INPP4B: variants seen among roughly 807,000 people sequenced by gnomAD.
The protein encoded by INPP4B is inositol polyphosphate-4-phosphatase type II B.
In INPP4B, 55 loss-of-function variants were observed where a neutral mutation model predicts 122.5. The observed-to-expected ratio is 0.45, with a 90% CI of 0.36 to 0.56. The LOEUF (loss-of-function observed/expected upper bound fraction) is 0.56. Among genes scored for constraint, INPP4B ranks in the 20% least tolerant of loss-of-function variants. The probability of loss-of-function intolerance (pLI) is 0.00; values close to 1 mark genes in which losing one functional copy is unlikely to be tolerated. For missense variants in INPP4B, 1,000 were observed against 1,097.7 expected (o/e 0.91, Z 1.26); for synonymous variants, 403 against 388.7 (o/e 1.04, Z -0.43).
chr4:142,623,654 G>A (rs866728678), intron 2 of INPP4B, among the ~76,000 whole-genome samples: 11 of 151,750 alleles, frequency 7.2e-5, no homozygotes, highest in East Asian at 3.9e-4. Context: ...TGCCATGCTC[G>A]TGTGCTGCAC....
intron 2 of INPP4B, among the ~76,000 whole-genome samples, chr4:142,545,274 A>C (rs998687279): frequency 6.6e-6 from 1 of 152,176 alleles, no homozygotes; most frequent in Non-Finnish European, 1.5e-5. Context: ...CTATGCATTT[A>C]TTTTGTGCCA....
At chr4:142,816,464 G>A (rs183504241) in intron 1 of INPP4B, among the ~76,000 whole-genome samples, 1 of 152,028 alleles carries the variant, frequency 6.6e-6, no homozygotes, top group Admixed American at 6.6e-5. Context: ...GAAGTTAAGA[G>A]TTAGTAACGA....
At chr4:142,694,023 A>G (rs1023498503) in intron 2 of INPP4B, among the ~76,000 whole-genome samples, 88 of 152,222 alleles carry the variant, frequency 5.8e-4, no homozygotes, top group African/African-American at 2.0e-3. Flanking sequence ...GCTCTAATTT[A>G]TTGGTTTAAA....
intron 1 of INPP4B, among the ~76,000 whole-genome samples, chr4:142,819,810 G>A (rs1387186853): frequency 6.6e-6 from 1 of 151,956 alleles, no homozygotes; most frequent in Non-Finnish European, 1.5e-5. Flanking sequence ...GGTTCATAGG[G>A]CTCATAGCCA....
At chr4:142,227,533 G>T (rs148969095) in intron 12 of INPP4B, among the ~76,000 whole-genome samples, 1 of 152,038 alleles carries the variant, frequency 6.6e-6, no homozygotes, top group Admixed American at 6.6e-5. Context: ...CTCAGATATA[G>T]AATGCAATAT....
chr4:142,630,623 AG>A (rs200522068), intron 2 of INPP4B, among the ~76,000 whole-genome samples: 2 of 83,852 alleles, frequency 2.4e-5, no homozygotes, highest in South Asian at 3.9e-4. Context: ...AGAGCAAACA[AG>A]AAAGTGAATA....
intron 14 of INPP4B, among the ~76,000 whole-genome samples, chr4:142,203,021 A>C (rs1251625625): frequency 1.3e-5 from 2 of 152,134 alleles, no homozygotes; most frequent in African/African-American, 4.8e-5. Context: ...TAAATTCAGA[A>C]GGAGAGATTG....
intron 11 of INPP4B, among the ~76,000 whole-genome samples, chr4:142,246,148 A>G (rs1728713025): frequency 6.9e-6 from 1 of 145,468 alleles, no homozygotes; most frequent in Non-Finnish European, 1.5e-5. Flanking sequence ...ATATATATAC[A>G]TATATGTGTT....
chr4:142,482,896 C>T (rs1820735880), intron 2 of INPP4B, among the ~76,000 whole-genome samples: 1 of 152,012 alleles, frequency 6.6e-6, no homozygotes, highest in Admixed American at 6.6e-5. Context: ...AGATCATGTG[C>T]ATTTTAAAAT....
At chr4:142,719,724 T>C (rs968053751) in intron 2 of INPP4B, among the ~76,000 whole-genome samples, 3 of 152,210 alleles carry the variant, frequency 2.0e-5, no homozygotes, top group African/African-American at 7.2e-5. Context: ...ATATCATTTT[T>C]TCTTATTTCT....
intron 12 of INPP4B, among the ~76,000 whole-genome samples, chr4:142,225,396 A>G (rs1478318962): frequency 1.3e-5 from 2 of 151,994 alleles, no homozygotes; most frequent in Non-Finnish European, 2.9e-5. Context: ...CTCAATTTGC[A>G]GACAGCCTAT....
At chr4:142,232,664 A>G (rs1270237276) in intron 12 of INPP4B, among the ~76,000 whole-genome samples, 1 of 151,996 alleles carries the variant, frequency 6.6e-6, no homozygotes, top group Non-Finnish European at 1.5e-5. Context: ...TTTAAATCAA[A>G]AGCTAGAAAT....
intron 2 of INPP4B, among the ~76,000 whole-genome samples, chr4:142,566,461 C>T (rs1731646009): frequency 6.6e-6 from 1 of 152,078 alleles, no homozygotes; most frequent in African/African-American, 2.4e-5. Flanking sequence ...GAAGGTGAGT[C>T]AATGGAAGCA....
At chr4:142,803,777 A>G (rs1778321783) in intron 1 of INPP4B, among the ~76,000 whole-genome samples, 1 of 152,052 alleles carries the variant, frequency 6.6e-6, no homozygotes. Context: ...AATTTCACTT[A>G]TGACTATCAA....
chr4:142,077,461 A>G (rs1213887944), intron 25 of INPP4B, among the ~76,000 whole-genome samples: 1 of 151,912 alleles, frequency 6.6e-6, no homozygotes, highest in Non-Finnish European at 1.5e-5. Context: ...TTCCCTATAC[A>G]ATTATTTTTT....
intron 7 of INPP4B, 135 bp downstream of exon 7, chr4:142,402,803 A>G (rs1802072529): frequency 1.6e-6 from 1 of 619,382 alleles, no homozygotes; most frequent in African/African-American, 1.9e-5. Context: ...GGAAAAAAAC[A>G]ACAAACGATA....
intron 5 of INPP4B, among the ~76,000 whole-genome samples, chr4:142,417,123 T>G (rs1805941413): frequency 6.6e-6 from 1 of 152,080 alleles, no homozygotes; most frequent in South Asian, 2.1e-4. Flanking sequence ...GGGAGAGCAG[T>G]TCAAATGAAA....
chr4:142,465,659 T>C (rs1817625846), intron 2 of INPP4B, among the ~76,000 whole-genome samples: 1 of 152,148 alleles, frequency 6.6e-6, no homozygotes, highest in African/African-American at 2.4e-5. Flanking sequence ...GTTTGGATGT[T>C]TGTCAACTCC....
intron 7 of INPP4B, among the ~76,000 whole-genome samples, chr4:142,378,450 A>C (rs1364091729): frequency 1.3e-5 from 2 of 152,164 alleles, no homozygotes; most frequent in African/African-American, 4.8e-5. Context: ...GTTTGGTATT[A>C]TCTTTTCTCA....
Sources: gnomAD v4.1 joint callset for allele counts (sites outside exome capture counted in the v4.1 genomes callset) on GRCh38, gnomAD v4.1.1 for gene constraint, MANE v1.5 for transcripts, NCBI Gene and HGNC (gene_info 2026-07-23, HGNC 2026-07-21) for gene names.